TCF3: variants seen among roughly 807,000 people sequenced by gnomAD.
TCF3 encodes transcription factor 3, also known as transcription factor E2-alpha.
TCF3 carries 54 observed loss-of-function variants against 72.3 expected under a neutral mutation model. That is an observed-to-expected ratio of 0.75 (90% CI 0.60 to 0.94). TCF3 has a LOEUF of 0.94. Ranked by LOEUF, TCF3 falls within the 40% of genes least tolerant of loss-of-function variation. The probability of loss-of-function intolerance (pLI) is 0.00; values close to 1 mark genes in which losing one functional copy is unlikely to be tolerated. For missense variants in TCF3, 1,078 were observed against 934.4 expected (o/e 1.15, Z -2.00); for synonymous variants, 525 against 412.6 (o/e 1.27, Z -3.30).
At chr19:1,627,743 G>T (rs1184690265) in intron 5 of TCF3, among the ~76,000 whole-genome samples, 1 of 152,096 alleles carries the variant, frequency 6.6e-6, no homozygotes, top group Non-Finnish European at 1.5e-5. Flanking sequence ...CTGCCCAGGG[G>T]GTGGGGCGGA....
intron 8 of TCF3, among the ~76,000 whole-genome samples, chr19:1,623,072 A>C (rs2146177267): frequency 6.6e-6 from 1 of 152,192 alleles, no homozygotes; most frequent in Non-Finnish European, 1.5e-5. Flanking sequence ...GCAGAGCCTG[A>C]CCACGCCTTT....
At position 1,652,529 on chromosome 19, in the gene TCF3, G is replaced by C. The variant is rs1368682698; in HGVS notation, c.-269C>G. The C allele has an allele frequency of 7.0e-6, 1 of 142,730 alleles. No homozygotes were observed. Among genetic ancestry groups the C allele is most frequent in the Non-Finnish European group, 1.5e-5 (1 of 64,764 alleles). The allele number at this position is 142,730 out of a possible 1,614,324, so 8.8% of individuals were successfully genotyped here. On this transcript the variant is annotated 5_prime_UTR_variant, in exon 1 of 19. Transcript: ENST00000262965. ...TGGGGCAGCGGCGTGCGCGGTGCCCGCGGTGCCCGCCGCCGCGTCGGCTCC... is the reference window on the plus strand; with the variant it reads ...TGGGGCAGCGGCGTGCGCGGTGCCCCCGGTGCCCGCCGCCGCGTCGGCTCC...
At chr19:1,650,314 G>A (rs779544964) in intron 1 of TCF3, 27 bp from the exon 2 acceptor site, 32 of 1,475,790 alleles carry the variant, frequency 2.2e-5, no homozygotes, top group African/African-American at 2.8e-5. Context: ...GGGACAGATG[G>A]ACAGGGAGAA....
At chr19:1,625,842 C>T (rs897248328) in intron 6 of TCF3, 134 bp from the exon 7 acceptor site, 3 of 1,161,790 alleles carry the variant, frequency 2.6e-6, no homozygotes, top group Non-Finnish European at 3.4e-6. Flanking sequence ...CTGCCTGTCA[C>T]GGTGTTTCTC....
chr19:1,629,075 G>T (rs971219448), intron 5 of TCF3, among the ~76,000 whole-genome samples: 1 of 127,468 alleles, frequency 7.8e-6, no homozygotes, highest in Non-Finnish European at 1.6e-5. Context: ...GAGCTCACGG[G>T]GTGAGGCGGG....
In TCF3 at chr19:1,615,748, C is replaced by A; in HGVS notation, c.1524G>T (p.Thr508=). 6.2e-7 allele frequency: 1 copy of A among 1,610,154 alleles called. No homozygotes were observed. ...KREEKEDEEN[T]SAADHSEEEK... The stretch of plus-strand genomic sequence containing the variant: ...CCTCCTCCGAGTGGTCAGCCGCTGA[C>A]GTGTTCTCCTCGTCCTCCTTCTCCT... The change falls in exon 17 of 19, where the codon ACG becomes ACT. Residue 508 remains threonine, a synonymous_variant. Coordinates refer to ENST00000262965, the MANE Select transcript of TCF3 (RefSeq NM_003200.5). This position sits in a 1 kb window ranked among gnomAD's most constrained non-coding sequence, Gnocchi z 7.3.
intron 3 of TCF3, among the ~76,000 whole-genome samples, chr19:1,636,205 G>T (rs1046860079): frequency 3.9e-5 from 6 of 152,136 alleles, no homozygotes; most frequent in African/African-American, 1.4e-4. Context: ...TGTTGCCCAG[G>T]CTGGAGTGCA....
intron 6 of TCF3, 27 bp downstream of exon 6, chr19:1,627,332 C>T (rs750395913): frequency 6.3e-7 from 1 of 1,584,040 alleles, no homozygotes; most frequent in East Asian, 2.3e-5. Context: ...AATCAAAATA[C>T]ACCCCAGCCC....
At chr19:1,620,348 T>C (rs1307665356) in intron 13 of TCF3, among the ~76,000 whole-genome samples, 1 of 152,104 alleles carries the variant, frequency 6.6e-6, no homozygotes, top group Non-Finnish European at 1.5e-5. Context: ...CCCCTCCTCC[T>C]GTACCTGCCC....
At chr19:1,617,215 G>A (rs1164936751) in intron 16 of TCF3, among the ~76,000 whole-genome samples, 2 of 152,172 alleles carry the variant, frequency 1.3e-5, no homozygotes, top group Non-Finnish European at 2.9e-5. Flanking sequence ...TTGACAACAG[G>A]TGTATCACAC....
chr19:1,651,859 C>G (rs2067145122), intron 1 of TCF3, among the ~76,000 whole-genome samples: 2 of 150,078 alleles, frequency 1.3e-5, no homozygotes, highest in South Asian at 4.2e-4. Flanking sequence ...CTTCCCCGCG[C>G]AGACAAAAGG....
chr19:1,631,309 C>T lies in TCF3; in HGVS notation c.298+729G>A, dbSNP rs561851747. Among the ~76,000 whole-genome samples the T allele has an allele frequency of 3.5e-4, 53 of 150,312 alleles. 2 individuals carry two copies. In the South Asian group the frequency reaches 0.011, roughly 32 times the overall value. On this transcript the variant is annotated intron_variant, in intron 5 of 18. Transcript: ENST00000262965. Reference sequence around the variant, plus strand: ...TTTAAGATGGAATCTCGCTCCATCACCCAGGCTGGAGGGCAATGGCGTGAT... The same window carrying T: ...TTTAAGATGGAATCTCGCTCCATCATCCAGGCTGGAGGGCAATGGCGTGAT...
chr19:1,650,312 T>TG, intron 1 of TCF3, 25 bp from the exon 2 acceptor site: 1 of 1,481,592 alleles, frequency 6.7e-7, no homozygotes, highest in East Asian at 2.5e-5. Flanking sequence ...TGGGGACAGA[T>TG]GGACAGGGAG....
At chr19:1,618,092 A>G (rs1465514176) in intron 16 of TCF3, among the ~76,000 whole-genome samples, 1 of 150,156 alleles carries the variant, frequency 6.7e-6, no homozygotes, top group Non-Finnish European at 1.5e-5. Context: ...TGAGACACTC[A>G]ACAATCCCCA....
rs1188417932 is a variant in TCF3 at position 1,621,887 on chromosome 19, G to A, written c.906C>T (p.Gly302=). The change falls in exon 11 of 19, where the codon GGC becomes GGT. Residue 302 remains glycine, a synonymous_variant. Coordinates refer to ENST00000262965, the MANE Select transcript of TCF3 (RefSeq NM_003200.5). ...CAGGCGGCGTGTGGCTGGAGACGCC[G>A]CCGTACGTGGCTCCGGGGGCTGAGG... is the stretch of plus-strand genomic sequence containing the variant. ...SFSSAPGATY[G]GVSSHTPPVS... 2.0e-5 allele frequency: 32 copies of A among 1,595,448 alleles called. No individual in the cohort carries two copies. Among genetic ancestry groups the A allele is most frequent in the Admixed American group, 8.8e-5 (5 of 56,888 alleles).
chr19:1,610,631 G>T lies in TCF3; in HGVS notation c.*1076C>A. ...TTCAGAGAGCTGTGCAGGTTCCAAGGGAGAGCAGCTTAGGGGGGCCTGGGG... is the reference window on the plus strand; with the variant it reads ...TTCAGAGAGCTGTGCAGGTTCCAAGTGAGAGCAGCTTAGGGGGGCCTGGGG... On this transcript the variant is annotated 3_prime_UTR_variant, in exon 19 of 19. Transcript: ENST00000262965. 1 of 231,258 alleles carries T rather than the reference G, an allele frequency of 4.3e-6. No individual in the cohort carries two copies. Among genetic ancestry groups the T allele is most frequent in the Non-Finnish European group, 8.6e-6 (1 of 116,836 alleles). 14.3% of individuals were successfully genotyped at this position (231,258 alleles called of 1,614,324 possible). A position where few individuals can be genotyped will look rare whatever the true frequency, so the allele number is the denominator to read the frequency against.
In TCF3 at chr19:1,611,930, C is replaced by CA. The variant is rs1555711560; in HGVS notation, c.1823-82_1823-81insT. On this transcript the variant is annotated intron_variant, in intron 18 of 18. Transcript: ENST00000262965. Reference sequence around the variant, plus strand: ...GAGGTGGGAGTGGGGGGTAGGATGTCGGGGGGGGGGGTGGGGGCAGAGCCC... The same window carrying CA: ...GAGGTGGGAGTGGGGGGTAGGATGTCAGGGGGGGGGGGTGGGGGCAGAGCCC... 3.6e-3 allele frequency: 631 copies of CA among 174,552 alleles called. 14 individuals are homozygous for CA. In the African/African-American group the frequency reaches 0.042, roughly 12 times the overall value. The allele number at this position is 174,552 out of a possible 1,614,324, so 10.8% of individuals were successfully genotyped here.
intron 2 of TCF3, among the ~76,000 whole-genome samples, chr19:1,648,287 A>G (rs2066440202): frequency 6.6e-6 from 1 of 152,192 alleles, no homozygotes; most frequent in African/African-American, 2.4e-5. Flanking sequence ...GCGGGCAGTC[A>G]CAGGGGCTGC....
In TCF3 at chr19:1,632,052, C is replaced by G. The variant is rs751936947; in HGVS notation, c.284G>C (p.Gly95Ala). 14 of 1,613,230 alleles carry G rather than the reference C, an allele frequency of 8.7e-6. No homozygotes were observed. In the Admixed American group the frequency reaches 2.3e-4, roughly 27 times the overall value. The change falls in exon 5 of 19, where the codon GGA becomes GCA. Residue 95 changes from glycine to alanine, a missense_variant. Physicochemically the swap from Gly to Ala is moderately conservative, Grantham distance 60. Transcript: ENST00000262965. ...HSSLSSSTFLGPGLGGKSGER... is the reference protein window; with the variant it reads ...HSSLSSSTFLAPGLGGKSGER... ...CAGGCACTCACCTCCGAGTCCCGGT[C>G]CCAGGAATGTGGATGAAGAGAGGCT... is the stretch of plus-strand genomic sequence containing the variant.
Sources: allele counts gnomAD v4.1 joint callset (sites outside exome capture counted in the v4.1 genomes callset), GRCh38; gene constraint gnomAD v4.1.1; non-coding constraint Gnocchi (gnomAD v3.1); transcripts MANE v1.5; gene names NCBI Gene and HGNC (gene_info 2026-07-23, HGNC 2026-07-21).